The following ABI3BP variants were observed in gnomAD, a reference collection of about 807,000 sequenced individuals.
ABI3BP encodes the protein target of Nesh-SH3.
A neutral mutation model predicts 268.6 loss-of-function variants in ABI3BP; 216 were observed. That is an observed-to-expected ratio of 0.80 (90% CI 0.72 to 0.90). The LOEUF is 0.90. ABI3BP is among the 40% of genes least tolerant of loss of function. ABI3BP has a pLI of 0.00. For synonymous variants in ABI3BP, 730 were observed against 730.0 expected, an observed-to-expected ratio of 1.00 and a Z score of 0.00; for missense variants, 2,090 against 2,182.4, an observed-to-expected ratio of 0.96 and a Z score of 0.84.
At chr3:100,882,555 A>G (rs955650696) in intron 6 of ABI3BP, among the ~76,000 whole-genome samples, 1 of 151,968 alleles carries the variant, frequency 6.6e-6, no homozygotes, top group Non-Finnish European at 1.5e-5. Flanking sequence ...GAAATAACAA[A>G]GAGTTTTAAA....
chr3:100,790,121 G>C (rs1050070000), intron 55 of ABI3BP, among the ~76,000 whole-genome samples: 4 of 151,926 alleles, frequency 2.6e-5, no homozygotes, highest in Non-Finnish European at 4.4e-5. Flanking sequence ...GGACAAGCAA[G>C]GAGCAAGAAC....
At chr3:100,843,924 A>G (rs1211987827) in intron 20 of ABI3BP, 3 of 985,226 alleles carry the variant, frequency 3.0e-6, no homozygotes, top group African/African-American at 1.7e-5. Context: ...TTTTGAAATT[A>G]TAAGGAAAAA....
intron 18 of ABI3BP, 21 bp downstream of exon 18, chr3:100,848,780 T>C: frequency 6.2e-7 from 1 of 1,601,736 alleles, no homozygotes; most frequent in Non-Finnish European, 8.6e-7. Flanking sequence ...ACATATCATG[T>C]AAATATAAAG....
intron 29 of ABI3BP, among the ~76,000 whole-genome samples, chr3:100,833,521 C>T (rs1560577379): frequency 6.6e-6 from 1 of 152,134 alleles, no homozygotes; most frequent in Non-Finnish European, 1.5e-5. Context: ...AGCCCTAGTT[C>T]ATGATAGATG....
chr3:100,862,552 A>G (rs2099009811), intron 13 of ABI3BP, 167 bp from the exon 14 acceptor site: 1 of 598,536 alleles, frequency 1.7e-6, no homozygotes, highest in South Asian at 2.3e-5. Context: ...GTATCCATCC[A>G]GAGAACATTT....
At chr3:100,761,193 A>T (rs1182356964) in intron 63 of ABI3BP, among the ~76,000 whole-genome samples, 1 of 152,230 alleles carries the variant, frequency 6.6e-6, no homozygotes, top group East Asian at 1.9e-4. Context: ...TGGGGAGGGT[A>T]GATGAGTACT....
At chr3:100,807,183 C>T (rs1017884741) in intron 50 of ABI3BP, among the ~76,000 whole-genome samples, 15 of 151,760 alleles carry the variant, frequency 9.9e-5, no homozygotes, top group African/African-American at 3.1e-4. Flanking sequence ...CTATTTTTAA[C>T]GTTAGATTTT....
chr3:100,778,432 A>G, intron 58 of ABI3BP, 56 bp from the exon 59 acceptor site: 2 of 1,487,664 alleles, frequency 1.3e-6, no homozygotes, highest in Non-Finnish European at 9.2e-7. Flanking sequence ...AAGATTCATT[A>G]TCGAAAAAAA....
chr3:100,829,450 C>T lies in ABI3BP; in HGVS notation c.2542+131G>A, dbSNP rs770866145. The stretch of plus-strand genomic sequence containing the variant: ...ATAAGGAATTTGGCTACCACGTCAT[C>T]TCCCCAGCCCTGTTCCTCATTGCCT... On this transcript the variant is annotated intron_variant, in intron 33 of 67. Coordinates refer to ENST00000471714, the MANE Select transcript of ABI3BP (RefSeq NM_001375547.2). The T allele has an allele frequency of 3.8e-4, 270 of 706,200 alleles. 1 individual carries two copies. The highest frequency in any genetic ancestry group is 2.8e-4 in the Middle Eastern group (1 of 3,520). The allele number at this position is 706,200 out of a possible 1,614,324, so 43.7% of individuals were successfully genotyped here.
At chr3:100,873,200 T>C (rs72926270) in intron 9 of ABI3BP, among the ~76,000 whole-genome samples, 1,690 of 152,286 alleles carry the variant, frequency 0.011, 38 homozygotes, top group African/African-American at 0.039. Context: ...TAACACTATT[T>C]ATGCAAAGTT....
At chr3:100,796,346 T>C in intron 52 of ABI3BP, 63 bp downstream of exon 52, 4 of 1,327,738 alleles carry the variant, frequency 3.0e-6, no homozygotes, top group Non-Finnish European at 4.1e-6. Context: ...ATATATTTAC[T>C]TCAAGAATTT....
At chr3:100,945,501 T>G in intron 1 of ABI3BP, 1 of 290,144 alleles carries the variant, frequency 3.4e-6, no homozygotes, top group South Asian at 3.2e-5. Flanking sequence ...ATAGTAAATC[T>G]CTCTGTTCCC....
intron 1 of ABI3BP, among the ~76,000 whole-genome samples, chr3:100,950,219 C>T (rs1199493589): frequency 6.6e-6 from 1 of 152,124 alleles, no homozygotes; most frequent in Non-Finnish European, 1.5e-5. Flanking sequence ...AGCACGGTGC[C>T]TGGCAGAGAA....
In ABI3BP at chr3:100,876,516, C is replaced by T. The variant is rs778875675; in HGVS notation, c.741G>A (p.Lys247=). Residue 247 remains lysine (K), a synonymous_variant, in exon 7 of 68, where the codon AAG becomes AAA. Coordinates refer to ENST00000471714, the MANE Select transcript of ABI3BP (RefSeq NM_001375547.2). Reference sequence around the variant, plus strand: ...TTTCCAGAGCAGACAAATTACCTTGCTTGATGATTGTTATTGGGATTAGTT... The same window carrying T: ...TTTCCAGAGCAGACAAATTACCTTGTTTGATGATTGTTATTGGGATTAGTT... ...PRKLIPITII[K]QVIQNVTHKD... 2.5e-5 allele frequency: 41 copies of T among 1,612,690 alleles called. No individual in the cohort carries two copies. The highest frequency in any genetic ancestry group is 3.1e-5 in the Non-Finnish European group (36 of 1,179,194).
At chr3:100,914,443 C>T (rs1245443478) in intron 2 of ABI3BP, 7 of 455,582 alleles carry the variant, frequency 1.5e-5, no homozygotes, top group East Asian at 1.4e-4. Context: ...TGCAGCCAGC[C>T]GTACCACAGA....
At chr3:100,783,419 C>T (rs1425259815) in intron 57 of ABI3BP, among the ~76,000 whole-genome samples, 1 of 152,090 alleles carries the variant, frequency 6.6e-6, no homozygotes, top group Non-Finnish European at 1.5e-5. Context: ...AAGGTGGTTT[C>T]AGAATTACAC....
At chr3:100,831,746 A>G (rs1236933832) in intron 31 of ABI3BP, among the ~76,000 whole-genome samples, 6 of 152,098 alleles carry the variant, frequency 3.9e-5, no homozygotes, top group African/African-American at 1.4e-4. Flanking sequence ...CTGGTTTCTA[A>G]TTATCCTGGA....
At chr3:100,917,926 T>C (rs779417516) in intron 2 of ABI3BP, among the ~76,000 whole-genome samples, 4 of 152,206 alleles carry the variant, frequency 2.6e-5, no homozygotes, top group Non-Finnish European at 5.9e-5. Context: ...TATAAACTTA[T>C]GGTGAATTGT....
At chr3:100,931,983 G>T (rs181473709) in intron 1 of ABI3BP, among the ~76,000 whole-genome samples, 127 of 151,958 alleles carry the variant, frequency 8.4e-4, no homozygotes, top group Admixed American at 1.5e-3. Flanking sequence ...AACCAAAACG[G>T]CATGGTACTA....
Sources: allele counts gnomAD v4.1 joint callset (sites outside exome capture counted in the v4.1 genomes callset), GRCh38; gene constraint gnomAD v4.1.1; transcripts MANE v1.5; gene names NCBI Gene and HGNC (gene_info 2026-07-23, HGNC 2026-07-21).